The following CWF19L2 variants were observed in gnomAD, a reference collection of about 807,000 sequenced individuals.
The protein encoded by CWF19L2 is CWF19 like cell cycle control factor 2.
Under a neutral mutation model 111.7 loss-of-function variants are expected in CWF19L2, and 98 were observed. The observed-to-expected ratio is 0.88, with a 90% CI of 0.75 to 1.04. The LOEUF (loss-of-function observed/expected upper bound fraction) is 1.04. Among genes scored for constraint, CWF19L2 ranks in the 50% least tolerant of loss-of-function variants. The pLI is 0.00. For synonymous variants in CWF19L2, 351 were observed against 342.9 expected, an observed-to-expected ratio of 1.02 and a Z score of -0.26; for missense variants, 1,101 against 1,051.4, an observed-to-expected ratio of 1.05 and a Z score of -0.65.
intron 13 of CWF19L2, among the ~76,000 whole-genome samples, chr11:107,350,093 C>A (rs1337956835): frequency 1.3e-5 from 2 of 151,988 alleles, no homozygotes; most frequent in Non-Finnish European, 2.9e-5. Context: ...CAAATAGATA[C>A]ATAAAAGAGA....
chr11:107,411,853 C>A (rs1318224730), intron 10 of CWF19L2, among the ~76,000 whole-genome samples: 1 of 151,838 alleles, frequency 6.6e-6, no homozygotes, highest in Non-Finnish European at 1.5e-5. Context: ...CTTCATTAGG[C>A]CTAATATTTA....
At position 107,369,974 on chromosome 11, in the gene CWF19L2, T is replaced by C. The variant is rs566313153; in HGVS notation, c.1873-16238A>G. Among the ~76,000 whole-genome samples, 3 of 137,972 alleles carry C rather than the reference T, an allele frequency of 2.2e-5. 1 individual carries two copies. In the South Asian group the frequency reaches 7.3e-4, roughly 34 times the overall value. The allele number at this position is 137,972 out of a possible 152,430, so 90.5% of individuals were successfully genotyped here. A position where few individuals can be genotyped will look rare whatever the true frequency, so the allele number is the denominator to read the frequency against. ...CCCAGGCTGGAGTGCAGTGTTGGGA[T>C]TGTAATATTAGCTTTTTGACATGGT... is the stretch of plus-strand genomic sequence containing the variant. On this transcript the variant is annotated intron_variant, in intron 12 of 17. Transcript: ENST00000282251.
chr11:107,418,242 C>T lies in CWF19L2; in HGVS notation c.1479G>A (p.Lys493=). The T allele has an allele frequency of 1.2e-6, 2 of 1,613,422 alleles. No individual in the cohort carries two copies. Among genetic ancestry groups the T allele is most frequent in the Non-Finnish European group, 1.7e-6 (2 of 1,179,412 alleles). ...ESIHILSVDE[K]NKLGAKIIKA... is the part of the protein sequence containing the mutation. ...TGATAATCTTGGCTCCCAACTTGTTCTTCTCATCAACACTCAGGATGTGAA... is the reference window on the plus strand; with the variant it reads ...TGATAATCTTGGCTCCCAACTTGTTTTTCTCATCAACACTCAGGATGTGAA... Residue 493 remains lysine, a synonymous_variant, in exon 9 of 18, where the codon AAG becomes AAA. Coordinates refer to ENST00000282251, the MANE Select transcript of CWF19L2 (RefSeq NM_152434.3).
At chr11:107,352,620 G>C (rs1237842656) in intron 13 of CWF19L2, among the ~76,000 whole-genome samples, 2 of 152,060 alleles carry the variant, frequency 1.3e-5, no homozygotes. Context: ...AATTAGTTAA[G>C]ATGGATTTTT....
chr11:107,432,360 G>C (rs1487792491), intron 7 of CWF19L2, among the ~76,000 whole-genome samples: 1 of 152,144 alleles, frequency 6.6e-6, no homozygotes. Flanking sequence ...GGCAGATCAC[G>C]AGGTCAGGAG....
Position 107,330,008 on chromosome 11 carries a change from C to T in CWF19L2, c.2451G>A (p.Gly817=), listed in dbSNP as rs749051075. The change falls in exon 17 of 18, where the codon GGG becomes GGA. Residue 817 remains glycine (G), a synonymous_variant. Coordinates refer to ENST00000282251, the MANE Select transcript of CWF19L2 (RefSeq NM_152434.3). ...CAAAATCCACAGAGAAGTAAGGTAA[C>T]CCTCTGGGTACCTAAATAAACAGAC... The part of the protein sequence containing the change: ...SKDIRKSVPR[G]LPYFSVDFGL... The T allele has an allele frequency of 5.1e-6, 8 of 1,566,386 alleles. No homozygotes were observed. In the South Asian group the frequency reaches 9.6e-5, roughly 19 times the overall value.
intron 14 of CWF19L2, among the ~76,000 whole-genome samples, chr11:107,342,798 C>T (rs1445885058): frequency 6.6e-6 from 1 of 152,008 alleles, no homozygotes; most frequent in Non-Finnish European, 1.5e-5. Flanking sequence ...CCTGGATTGC[C>T]TGGGTATATC....
intron 12 of CWF19L2, among the ~76,000 whole-genome samples, chr11:107,386,996 A>G (rs1860776083): frequency 6.6e-6 from 1 of 151,600 alleles, no homozygotes; most frequent in Non-Finnish European, 1.5e-5. Flanking sequence ...GGAGGTTGCA[A>G]TGAGTTGGGA....
intron 5 of CWF19L2, among the ~76,000 whole-genome samples, chr11:107,440,175 T>C (rs368205994): frequency 3.7e-4 from 56 of 152,224 alleles, no homozygotes; most frequent in African/African-American, 1.3e-3. Flanking sequence ...AAGAACTACA[T>C]ACTAATGATA....
At chr11:107,448,391 G>A (rs941553767) in intron 3 of CWF19L2, among the ~76,000 whole-genome samples, 4 of 133,742 alleles carry the variant, frequency 3.0e-5, no homozygotes, top group African/African-American at 8.5e-5. Flanking sequence ...TGAAGCTCAC[G>A]ACATAGCAAT....
chr11:107,429,657 A>C (rs1321378071), intron 7 of CWF19L2, among the ~76,000 whole-genome samples: 2 of 152,192 alleles, frequency 1.3e-5, no homozygotes, highest in Non-Finnish European at 2.9e-5. Context: ...AATAACAAAA[A>C]GATTCCAAAA....
In CWF19L2 at chr11:107,348,939, G is replaced by A. The variant is rs777438972; in HGVS notation, c.2200C>T (p.Gln734Ter). 2.6e-6 allele frequency: 4 copies of A among 1,567,322 alleles called. No homozygotes were observed. The highest frequency in any genetic ancestry group is 3.5e-6 in the Non-Finnish European group (4 of 1,144,540). Residue 734 changes from glutamine to a stop codon, truncating the protein, a stop_gained and splice_region_variant, in exon 14 of 18, where the codon CAG (glutamine) becomes TAG (stop). Transcript: ENST00000282251. LOFTEE classifies it high-confidence loss of function. ...LLDEDIWEEI[Q>*]MFRKSLVKMF... ...TAATGAACATTTATTATGCTGACCT[G>A]GATCTCCTCCCAGATGTCTTCATCC...
At chr11:107,439,728 G>A (rs603918) in intron 5 of CWF19L2, among the ~76,000 whole-genome samples, 40,047 of 152,094 alleles carry the variant, frequency 0.26, 5,571 homozygotes, top group African/African-American at 0.33. Context: ...AGGAAACTTA[G>A]AAATAATTCT....
rs887498018 is a variant in CWF19L2, at chr11:107,397,835, C to G, written c.1618-4940G>C. On this transcript the variant is annotated intron_variant, in intron 10 of 17. Transcript: ENST00000282251. Reference sequence around the variant, plus strand: ...AGCTGAGAGACCCATAGACAGTTCACATCACAGGACTCTGTGAAAACCCCC... The same window carrying G: ...AGCTGAGAGACCCATAGACAGTTCAGATCACAGGACTCTGTGAAAACCCCC... Among the ~76,000 whole-genome samples the G allele has an allele frequency of 2.2e-5, 3 of 134,364 alleles. No individual in the cohort carries two copies. The East Asian group carries it at 6.4e-4, about 29-fold the overall frequency. The allele number at this position is 134,364 out of a possible 152,430, so 88.1% of individuals were successfully genotyped here. A position where few individuals can be genotyped will look rare whatever the true frequency, so the allele number is the denominator to read the frequency against.
At chr11:107,375,543 G>A (rs7126952) in intron 12 of CWF19L2, among the ~76,000 whole-genome samples, 3,787 of 118,670 alleles carry the variant, frequency 0.032, 96 homozygotes, top group East Asian at 0.078. Flanking sequence ...ACGAAATGAA[G>A]GCAGAAATAA....
chr11:107,456,182 T>C (rs914898638), intron 1 of CWF19L2, among the ~76,000 whole-genome samples: 2 of 152,114 alleles, frequency 1.3e-5, no homozygotes, highest in African/African-American at 4.8e-5. Flanking sequence ...GTAGCCCCAA[T>C]ACCCAGCCCC....
intron 3 of CWF19L2, among the ~76,000 whole-genome samples, chr11:107,446,614 T>A (rs1375213446): frequency 6.6e-6 from 1 of 152,218 alleles, no homozygotes; most frequent in Non-Finnish European, 1.5e-5. Flanking sequence ...TATCTATTTA[T>A]CCAATTAGGA....
intron 12 of CWF19L2, among the ~76,000 whole-genome samples, chr11:107,362,300 C>G (rs1190124794): frequency 6.6e-6 from 1 of 151,898 alleles, no homozygotes; most frequent in Non-Finnish European, 1.5e-5. Context: ...AGCCAGGAAG[C>G]TCGAACTGGG....
chr11:107,347,439 C>A (rs1416911727), intron 14 of CWF19L2, among the ~76,000 whole-genome samples: 1 of 152,114 alleles, frequency 6.6e-6, no homozygotes, highest in Non-Finnish European at 1.5e-5. Flanking sequence ...ACAACAACAA[C>A]AACAGCAACA....
Sources: gnomAD v4.1 joint callset for allele counts (sites outside exome capture counted in the v4.1 genomes callset) on GRCh38, gnomAD v4.1.1 for gene constraint, MANE v1.5 for transcripts, NCBI Gene and HGNC (gene_info 2026-07-23, HGNC 2026-07-21) for gene names.